The following FGF12 variants were observed in gnomAD, a reference collection of about 807,000 sequenced individuals.
FGF12 encodes fibroblast growth factor 12, also known as fibroblast growth factor 12B.
A neutral mutation model predicts 23.6 loss-of-function variants in FGF12; 14 were observed. The ratio of observed to expected loss-of-function variants is 0.59; its 90% CI spans 0.39 to 0.93. The LOEUF is 0.93. Among genes scored for constraint, FGF12 ranks in the 40% least tolerant of loss-of-function variants. The pLI is 0.00. For synonymous variants in FGF12, 62 were observed against 77.3 expected (o/e 0.80, Z 1.04); for missense variants, 175 against 217.8 (o/e 0.80, Z 1.24).
chr3:192,693,838 T>G (rs938646001), intron 2 of FGF12, among the ~76,000 whole-genome samples: 1 of 152,140 alleles, frequency 6.6e-6, no homozygotes, highest in African/African-American at 2.4e-5. Context: ...TCCTTTGCAG[T>G]GATTTTTATT....
At chr3:192,317,374 C>T (rs1000143018) in intron 4 of FGF12, among the ~76,000 whole-genome samples, 3 of 151,786 alleles carry the variant, frequency 2.0e-5, no homozygotes, top group African/African-American at 7.3e-5. Flanking sequence ...CGAGACCCAG[C>T]CCTGGCAACG....
chr3:192,715,145 C>T (rs1241939039), intron 2 of FGF12, among the ~76,000 whole-genome samples: 1 of 152,104 alleles, frequency 6.6e-6, no homozygotes, highest in African/African-American at 2.4e-5. Flanking sequence ...TTCTAGAAGA[C>T]CTAGGAATCT....
rs1553831696 is a variant in FGF12 at position 192,567,793 on chromosome 3, C to CTTTCTTTCTTTCTTTCTTTCT, written c.13+159387_13+159388insAGAAAGAAAGAAAGAAAGAAA. Among the ~76,000 whole-genome samples the CTTTCTTTCTTTCTTTCTTTCT allele has an allele frequency of 1.2e-3, 154 of 129,762 alleles. 1 individual carries two copies. The highest frequency in any genetic ancestry group is 1.7e-3 in the Non-Finnish European group (102 of 58,458). The allele number at this position is 129,762 out of a possible 152,430, so 85.1% of individuals were successfully genotyped here. ...TCTTTCTTTCTTTCTTTCTTTCTTT[C>CTTTCTTTCTTTCTTTCTTTCT]TTTCTTTCTCTTTCTTTCTTTCTCT... On this transcript the variant is annotated intron_variant, in intron 2 of 5. Transcript: ENST00000445105.
At chr3:192,524,662 C>T (rs1211744575) in intron 2 of FGF12, among the ~76,000 whole-genome samples, 1 of 152,180 alleles carries the variant, frequency 6.6e-6, no homozygotes, top group Non-Finnish European at 1.5e-5. Context: ...TCTGCCTGTG[C>T]AGAACACAGG....
At chr3:192,630,719 ATTTT>A (rs372293531) in intron 2 of FGF12, among the ~76,000 whole-genome samples, 5 of 145,400 alleles carry the variant, frequency 3.4e-5, no homozygotes, top group Admixed American at 1.4e-4. Flanking sequence ...CGCCCGGCTA[ATTTT>A]TTTTTTTTGT....
At chr3:192,313,244 A>G (rs1716051535) in intron 4 of FGF12, among the ~76,000 whole-genome samples, 2 of 152,194 alleles carry the variant, frequency 1.3e-5, no homozygotes, top group East Asian at 1.9e-4. Flanking sequence ...TGCCTAAGAC[A>G]ATGTGTGACA....
At position 192,588,349 on chromosome 3, in the gene FGF12, C is replaced by CAAAAA. The variant is rs1201739223; in HGVS notation, c.13+138827_13+138831dup. On this transcript the variant is annotated intron_variant, in intron 2 of 5. Transcript: ENST00000445105. Reference sequence around the variant, plus strand: ...TGGGCGACAGAGCAACAATCCGTCTCAAAAAAAAAAAAAAAAAAGAAAAAA... The same window carrying CAAAAA: ...TGGGCGACAGAGCAACAATCCGTCTCAAAAAAAAAAAAAAAAAAAAAAAGAAAAAA... Among the ~76,000 whole-genome samples the CAAAAA allele has an allele frequency of 3.8e-3, 253 of 66,902 alleles. 7 individuals are homozygous for CAAAAA. Among genetic ancestry groups the CAAAAA allele is most frequent in the Middle Eastern group, 0.023 (2 of 86 alleles). The allele number at this position is 66,902 out of a possible 152,430, so 43.9% of individuals were successfully genotyped here.
rs1299225106 is a variant in FGF12, at chr3:192,141,127, CCAAAAAAAAA to C, written c.*2872_*2881del. On this transcript the variant is annotated 3_prime_UTR_variant, in exon 6 of 6. Coordinates refer to ENST00000445105, the MANE Select transcript of FGF12 (RefSeq NM_004113.6). ...TCCTGGGAAAAATCCCAATGCAACT[CCAAAAAAAAA>C]AAAAAAAAAAAAAAAAAGCTTATTT... is the stretch of plus-strand genomic sequence containing the variant. 1 of 21,830 alleles carries C rather than the reference CCAAAAAAAAA, an allele frequency of 4.6e-5. No individual in the cohort carries two copies. Among genetic ancestry groups the C allele is most frequent in the Non-Finnish European group, 7.7e-5 (1 of 13,038 alleles). 1.4% of individuals were successfully genotyped at this position (21,830 alleles called of 1,614,324 possible). A position where few individuals can be genotyped will look rare whatever the true frequency, so the allele number is the denominator to read the frequency against.
At chr3:192,363,505 A>T (rs545454057) in intron 2 of FGF12, among the ~76,000 whole-genome samples, 1 of 152,212 alleles carries the variant, frequency 6.6e-6, no homozygotes, top group South Asian at 2.1e-4. Flanking sequence ...CGTTTTAATC[A>T]TGTTGTGATA....
chr3:192,370,301 C>T (rs781587697), intron 2 of FGF12, among the ~76,000 whole-genome samples: 33 of 152,194 alleles, frequency 2.2e-4, no homozygotes, highest in African/African-American at 6.0e-4. Context: ...ATTTATGCCA[C>T]GTGTATGTGC....
intron 2 of FGF12, among the ~76,000 whole-genome samples, chr3:192,399,957 C>T (rs1185766993): frequency 6.6e-6 from 1 of 152,202 alleles, no homozygotes; most frequent in Non-Finnish European, 1.5e-5. Flanking sequence ...TACAAGACCG[C>T]CACCCTCAGG....
At chr3:192,431,937 A>C (rs1199434037) in intron 2 of FGF12, among the ~76,000 whole-genome samples, 1 of 152,098 alleles carries the variant, frequency 6.6e-6, no homozygotes, top group Non-Finnish European at 1.5e-5. Flanking sequence ...ATATCAATAC[A>C]CATGTACACT....
chr3:192,451,260 AGG>A (rs1722511958), intron 2 of FGF12, among the ~76,000 whole-genome samples: 1 of 152,252 alleles, frequency 6.6e-6, no homozygotes, highest in South Asian at 2.1e-4. Flanking sequence ...AAGAATGATC[AGG>A]AGTAGAATCC....
At chr3:192,158,310 T>TTTTCTCTTTC (rs1553843990) in intron 5 of FGF12, among the ~76,000 whole-genome samples, 4 of 133,168 alleles carry the variant, frequency 3.0e-5, no homozygotes, top group Non-Finnish European at 4.7e-5. Flanking sequence ...TGCTTTTCCC[T>TTTTCTCTTTC]TTTCTCTTTC....
At chr3:192,451,546 AG>A (rs1461200271) in intron 2 of FGF12, among the ~76,000 whole-genome samples, 1 of 152,216 alleles carries the variant, frequency 6.6e-6, no homozygotes, top group Non-Finnish European at 1.5e-5. Flanking sequence ...TGTGATGATT[AG>A]TAGACCCTTA....
intron 2 of FGF12, among the ~76,000 whole-genome samples, chr3:192,540,661 A>G (rs777350200): frequency 1.3e-5 from 2 of 152,186 alleles, no homozygotes; most frequent in Non-Finnish European, 2.9e-5. Context: ...CATTTGGTGT[A>G]TTGTGCAGAT....
chr3:192,520,343 G>A (rs1439942002), intron 2 of FGF12, among the ~76,000 whole-genome samples: 1 of 152,056 alleles, frequency 6.6e-6, no homozygotes, highest in African/African-American at 2.4e-5. Context: ...TGAAAGGCCT[G>A]ACTTCCGTTA....
intron 2 of FGF12, among the ~76,000 whole-genome samples, chr3:192,484,018 A>C (rs2108821099): frequency 6.6e-6 from 1 of 152,254 alleles, no homozygotes; most frequent in East Asian, 1.9e-4. Context: ...AAATTGTAGG[A>C]TATTAAAGGT....
At chr3:192,194,512 G>A (rs1375730979) in intron 4 of FGF12, among the ~76,000 whole-genome samples, 1 of 152,138 alleles carries the variant, frequency 6.6e-6, no homozygotes, top group Admixed American at 6.6e-5. Flanking sequence ...TTCATTCACA[G>A]CACTAAACAT....
Sources: allele counts gnomAD v4.1 joint callset (sites outside exome capture counted in the v4.1 genomes callset), GRCh38; gene constraint gnomAD v4.1.1; transcripts MANE v1.5; gene names NCBI Gene and HGNC (gene_info 2026-07-23, HGNC 2026-07-21).